Variants in LRP1B observed in about 807,000 individuals in gnomAD.
LRP1B encodes the protein low-density lipoprotein receptor-related protein 1B.
A neutral mutation model predicts 556.6 loss-of-function variants in LRP1B; 217 were observed. The observed-to-expected ratio is 0.39, with a 90% CI of 0.35 to 0.44. The LOEUF is 0.44. Among genes scored for constraint, LRP1B ranks in the 20% least tolerant of loss-of-function variants. LRP1B has a pLI of 1.00. For synonymous variants in LRP1B, 2,047 were observed against 1,865.8 expected, an observed-to-expected ratio of 1.10 and a Z score of -2.50; for missense variants, 5,053 against 5,620.8, an observed-to-expected ratio of 0.90 and a Z score of 3.23.
chr2:140,325,102 GAAAAGAAAGTGA>G (rs958791225), intron 80 of LRP1B, among the ~76,000 whole-genome samples: 6 of 152,070 alleles, frequency 3.9e-5, no homozygotes, highest in East Asian at 1.9e-4. Context: ...TTGAAGTAGG[GAAAAGAAAGTGA>G]AACAGAAAGG....
At chr2:141,137,479 A>G (rs994525446) in intron 7 of LRP1B, among the ~76,000 whole-genome samples, 3 of 151,944 alleles carry the variant, frequency 2.0e-5, no homozygotes, top group Non-Finnish European at 2.9e-5. Context: ...ATATTGAAAG[A>G]TTGAAGTTAA....
chr2:140,760,813 C>T (rs1196927400), intron 35 of LRP1B, among the ~76,000 whole-genome samples: 2 of 151,918 alleles, frequency 1.3e-5, no homozygotes, highest in African/African-American at 4.8e-5. Flanking sequence ...CTCTTGAACC[C>T]GGGAGGCGGA....
intron 51 of LRP1B, among the ~76,000 whole-genome samples, chr2:140,511,188 C>T (rs982850465): frequency 2.0e-5 from 3 of 151,058 alleles, no homozygotes; most frequent in African/African-American, 7.3e-5. Context: ...TATCATTTAT[C>T]CTCTTACTTT....
intron 41 of LRP1B, among the ~76,000 whole-genome samples, chr2:140,629,817 AT>A (rs1244007879): frequency 6.6e-6 from 1 of 152,202 alleles, no homozygotes; most frequent in Non-Finnish European, 1.5e-5. Context: ...AGAGATCTGG[AT>A]TTTGATTTTG....
At chr2:141,416,446 A>ATTTTTTTTTTTTTTTTTTTTTTTTTTTTT in intron 3 of LRP1B, among the ~76,000 whole-genome samples, 1 of 103,430 alleles carries the variant, frequency 9.7e-6, no homozygotes, top group Non-Finnish European at 1.9e-5. Context: ...TTTGACAGCC[A>ATTTTTTTTTTTTTTTTTTTTTTTTTTTTT]TTTTTTTTTT....
At chr2:140,647,183 T>C (rs1684514709) in intron 41 of LRP1B, among the ~76,000 whole-genome samples, 1 of 151,422 alleles carries the variant, frequency 6.6e-6, no homozygotes, top group South Asian at 2.1e-4. Flanking sequence ...AAATCTGCCT[T>C]TAAATGCTTT....
Position 140,953,878 on chromosome 2 carries a change from C to T in LRP1B, c.2888-1938G>A, listed in dbSNP as rs547562032. On this transcript the variant is annotated intron_variant, in intron 18 of 90. Transcript: ENST00000389484. ...GAATTCATTTCATGAAGCTCCCCAT[C>T]CAGCACTCTTTGTACTACACTCTAT... Among the ~76,000 whole-genome samples, 25 of 152,300 alleles carry T rather than the reference C, an allele frequency of 1.6e-4. No individual in the cohort carries two copies. In the South Asian group the frequency reaches 5.2e-3, roughly 32 times the overall value.
At chr2:141,757,151 T>C (rs950944501) in intron 2 of LRP1B, among the ~76,000 whole-genome samples, 9 of 152,196 alleles carry the variant, frequency 5.9e-5, no homozygotes, top group Admixed American at 3.3e-4. Flanking sequence ...AAATGATAGA[T>C]GAAAAGCAGC....
intron 25 of LRP1B, among the ~76,000 whole-genome samples, chr2:140,869,250 C>T (rs1693049455): frequency 6.6e-6 from 1 of 152,104 alleles, no homozygotes; most frequent in African/African-American, 2.4e-5. Flanking sequence ...CCGCCTTACT[C>T]CCTCTCTAGT....
chr2:141,307,914 C>A (rs550945810), intron 3 of LRP1B, among the ~76,000 whole-genome samples: 8 of 152,152 alleles, frequency 5.3e-5, no homozygotes, highest in African/African-American at 1.9e-4. Context: ...CAGTGGCAGG[C>A]CCACTCTCTG....
intron 1 of LRP1B, among the ~76,000 whole-genome samples, chr2:141,980,939 T>C (rs1702027150): frequency 1.3e-5 from 2 of 152,186 alleles, no homozygotes; most frequent in Non-Finnish European, 2.9e-5. Flanking sequence ...GAAGCAGGTT[T>C]CCTTCTCTCT....
intron 2 of LRP1B, among the ~76,000 whole-genome samples, chr2:141,716,645 T>C (rs918463868): frequency 5.9e-5 from 9 of 152,184 alleles, no homozygotes; most frequent in Non-Finnish European, 1.0e-4. Context: ...TGCATATGTT[T>C]TTGTCACTTG....
At position 141,402,862 on chromosome 2, in the gene LRP1B, C is replaced by G. The variant is rs139254493; in HGVS notation, c.343+77534G>C. Among the ~76,000 whole-genome samples, 7 of 152,070 alleles carry G rather than the reference C, an allele frequency of 4.6e-5. No individual in the cohort carries two copies. The East Asian group carries it at 1.2e-3, about 25-fold the overall frequency. Reference sequence around the variant, plus strand: ...GAATGATGCTTTTATACATATCAAACTACTGAAAAGATGAATTTTTATGAC... The same window carrying G: ...GAATGATGCTTTTATACATATCAAAGTACTGAAAAGATGAATTTTTATGAC... On this transcript the variant is annotated intron_variant, in intron 3 of 90. Transcript: ENST00000389484.
intron 3 of LRP1B, among the ~76,000 whole-genome samples, chr2:141,477,118 G>A (rs947651606): frequency 3.3e-5 from 4 of 121,116 alleles, no homozygotes; most frequent in Non-Finnish European, 5.2e-5. Context: ...GCGAAACTCC[G>A]TCTCAAAAAA....
chr2:141,748,308 G>A (rs13389350), intron 2 of LRP1B, among the ~76,000 whole-genome samples: 5,408 of 152,098 alleles, frequency 0.036, 310 homozygotes, highest in African/African-American at 0.12. Flanking sequence ...TATATAAAAG[G>A]CCTAGATTAA....
intron 2 of LRP1B, among the ~76,000 whole-genome samples, chr2:141,669,940 A>G (rs1690599629): frequency 6.6e-6 from 1 of 152,044 alleles, no homozygotes; most frequent in Non-Finnish European, 1.5e-5. Flanking sequence ...TTTTTAGTAC[A>G]GACGGGGTTT....
At chr2:141,661,521 C>T (rs535734996) in intron 2 of LRP1B, among the ~76,000 whole-genome samples, 1 of 152,262 alleles carries the variant, frequency 6.6e-6, no homozygotes, top group Admixed American at 6.5e-5. Flanking sequence ...AACACGAGAA[C>T]TTCACAATGC....
chr2:140,526,230 A>G lies in LRP1B; in HGVS notation c.7876+7T>C, dbSNP rs2104969528. On this transcript the variant is annotated splice_region_variant and intron_variant, in intron 48 of 90. Transcript: ENST00000389484. ...ATAAACAGACAAAAGGTAGTGGAATATCTTACTGCAGTTCTTTTCATCTGA... is the reference window on the plus strand; with the variant it reads ...ATAAACAGACAAAAGGTAGTGGAATGTCTTACTGCAGTTCTTTTCATCTGA... The G allele has an allele frequency of 6.2e-7, 1 of 1,608,010 alleles. No homozygotes were observed. The highest frequency in any genetic ancestry group is 1.1e-5 in the South Asian group (1 of 90,932).
chr2:141,005,248 T>C (rs1199900332), intron 15 of LRP1B, 87 bp downstream of exon 15: 1 of 1,416,034 alleles, frequency 7.1e-7, no homozygotes, highest in Non-Finnish European at 9.6e-7. Context: ...TCTTTCCAAG[T>C]GTCATTTTAA....
Sources: allele counts gnomAD v4.1 joint callset (sites outside exome capture counted in the v4.1 genomes callset), GRCh38; gene constraint gnomAD v4.1.1; transcripts MANE v1.5; gene names NCBI Gene and HGNC (gene_info 2026-07-23, HGNC 2026-07-21).